Variants in ALOX5AP observed in about 807,000 individuals in gnomAD.
ALOX5AP encodes the protein arachidonate 5-lipoxygenase activating protein, also known as arachidonate 5-lipoxygenase-activating protein.
A neutral mutation model predicts 18.5 loss-of-function variants in ALOX5AP; 9 were observed. The ratio of observed to expected loss-of-function variants is 0.49; its 90% CI spans 0.29 to 0.85. The LOEUF (loss-of-function observed/expected upper bound fraction) is 0.85, where lower values mean the gene tolerates loss of function less well. ALOX5AP is among the 40% of genes least tolerant of loss of function. ALOX5AP has a pLI of 0.08. For missense variants in ALOX5AP, 172 were observed against 202.5 expected, an observed-to-expected ratio of 0.85 and a Z score of 0.91; for synonymous variants, 81 against 78.6, an observed-to-expected ratio of 1.03 and a Z score of -0.16.
At chr13:30,740,126 T>C (rs1047411171) in intron 1 of ALOX5AP, among the ~76,000 whole-genome samples, 2 of 152,222 alleles carry the variant, frequency 1.3e-5, no homozygotes, top group African/African-American at 4.8e-5. Context: ...AGAACACCTA[T>C]GCAGATAGGT....
intron 1 of ALOX5AP, among the ~76,000 whole-genome samples, chr13:30,721,493 C>A (rs182877925): frequency 1.8e-3 from 273 of 152,238 alleles, no homozygotes; most frequent in African/African-American, 6.0e-3. Flanking sequence ...CCTCACTAAG[C>A]CTTGTGCTAC....
intron 2 of ALOX5AP, among the ~76,000 whole-genome samples, chr13:30,744,716 G>T (rs1441777716): frequency 6.6e-6 from 1 of 152,206 alleles, no homozygotes; most frequent in Admixed American, 6.5e-5. Context: ...GAATAAAAAG[G>T]TTGTTTGAAA....
Position 30,760,447 on chromosome 13 carries a change from G to A in ALOX5AP, c.324-3497G>A, listed in dbSNP as rs371998838. 3.0e-4 allele frequency among the ~76,000 whole-genome samples: 46 copies of A among 152,312 alleles called. 2 individuals carry two copies. Among genetic ancestry groups the A allele is most frequent in the African/African-American group, 9.6e-4 (40 of 41,564 alleles). On this transcript the variant is annotated intron_variant, in intron 4 of 4. Coordinates refer to ENST00000380490, the MANE Select transcript of ALOX5AP (RefSeq NM_001629.4). ...TGGGCGCCCCCATCTCCCACACTACGGCGCCTCATCCTAGAAGTGGTTAGC... is the reference window on the plus strand; with the variant it reads ...TGGGCGCCCCCATCTCCCACACTACAGCGCCTCATCCTAGAAGTGGTTAGC...
chr13:30,744,029 T>C, intron 1 of ALOX5AP, 31 bp from the exon 2 acceptor site: 1 of 1,587,246 alleles, frequency 6.3e-7, no homozygotes, highest in Non-Finnish European at 8.7e-7. Context: ...ATGCCCACAA[T>C]GAACCAGATG....
chr13:30,745,391 T>C (rs1166066393), intron 2 of ALOX5AP, among the ~76,000 whole-genome samples: 3 of 152,164 alleles, frequency 2.0e-5, no homozygotes, highest in Non-Finnish European at 4.4e-5. Context: ...CCCCTTGCCC[T>C]CTGTGGGCAT....
intron 4 of ALOX5AP, among the ~76,000 whole-genome samples, chr13:30,761,206 C>T (rs999009240): frequency 6.6e-6 from 1 of 152,224 alleles, no homozygotes; most frequent in African/African-American, 2.4e-5. Context: ...TTATCTTCCA[C>T]ACCCTGTGCA....
intron 2 of ALOX5AP, among the ~76,000 whole-genome samples, chr13:30,749,632 T>C (rs1050885096): frequency 6.6e-6 from 1 of 152,236 alleles, no homozygotes; most frequent in Admixed American, 6.5e-5. Context: ...TGTAGGGGCC[T>C]CCTGCCCTTT....
rs17238610 is a variant in ALOX5AP at position 30,736,201 on chromosome 13, C to CT, written c.70+536dup. On this transcript the variant is annotated intron_variant, in intron 1 of 4. Transcript: ENST00000380490. Reference sequence around the variant, plus strand: ...TTTTTCTTTTTTTCTCCTGAAGAAACTTTTTTTTTTGGTGATACCTTCTTT... The same window carrying CT: ...TTTTTCTTTTTTTCTCCTGAAGAAACTTTTTTTTTTTGGTGATACCTTCTTT... 3.0e-4 allele frequency among the ~76,000 whole-genome samples: 44 copies of CT among 149,060 alleles called. No individual in the cohort carries two copies. In the South Asian group the frequency reaches 5.3e-3, roughly 18 times the overall value.
intron 1 of ALOX5AP, among the ~76,000 whole-genome samples, chr13:30,737,514 C>T (rs1951730779): frequency 6.6e-6 from 1 of 152,198 alleles, no homozygotes; most frequent in Admixed American, 6.5e-5. Context: ...TGAGTCCTGA[C>T]AGCCACAATA....
chr13:30,735,270 C>T (rs1462271471), upstream of ALOX5AP, among the ~76,000 whole-genome samples: 1 of 151,940 alleles, frequency 6.6e-6, no homozygotes, highest in Non-Finnish European at 1.5e-5. Flanking sequence ...TGGGCTCGTG[C>T]TGGTCATGGT....
In ALOX5AP at chr13:30,744,144, G is replaced by A. The variant is rs201830648; in HGVS notation, c.155G>A (p.Arg52Gln). ...FQRTGTLAFE[R>Q]VYTANQNCVD... ...AGGACCGGAACACTTGCCTTTGAGC[G>A]GGTCTACACTGCCAAGTGAGTCCTA... The change falls in exon 2 of 5, where the codon CGG becomes CAG. Residue 52 changes from arginine (R) to glutamine (Q), a missense_variant. Coordinates refer to ENST00000380490, the MANE Select transcript of ALOX5AP (RefSeq NM_001629.4). 6.8e-6 allele frequency: 11 copies of A among 1,613,650 alleles called. No individual in the cohort carries two copies. The highest frequency in any genetic ancestry group is 2.2e-5 in the South Asian group (2 of 91,056).
intron 1 of ALOX5AP, among the ~76,000 whole-genome samples, chr13:30,729,827 C>T (rs935220551): frequency 2.6e-5 from 4 of 152,222 alleles, no homozygotes; most frequent in East Asian, 1.9e-4. Context: ...CTGCCTGCCT[C>T]GGCCTCCCAC....
At chr13:30,730,350 G>C (rs756638788) in intron 1 of ALOX5AP, among the ~76,000 whole-genome samples, 1 of 152,328 alleles carries the variant, frequency 6.6e-6, no homozygotes, top group South Asian at 2.1e-4. Context: ...AGGTTGATTT[G>C]GTTCTCACAG....
At chr13:30,737,031 C>T (rs1030319785) in intron 1 of ALOX5AP, among the ~76,000 whole-genome samples, 1 of 152,234 alleles carries the variant, frequency 6.6e-6, no homozygotes, top group African/African-American at 2.4e-5. Flanking sequence ...TGCAGCAATG[C>T]CTGCAGTCTC....
chr13:30,715,712 C>T (rs1395345780), intron 1 of ALOX5AP, among the ~76,000 whole-genome samples: 2 of 152,156 alleles, frequency 1.3e-5, no homozygotes, highest in Non-Finnish European at 2.9e-5. Flanking sequence ...GTTCAGATGC[C>T]GAGGCATTTT....
At chr13:30,723,378 G>T (rs756019704) in intron 1 of ALOX5AP, among the ~76,000 whole-genome samples, 3 of 152,168 alleles carry the variant, frequency 2.0e-5, no homozygotes, top group Non-Finnish European at 2.9e-5. Context: ...CCACTGTATT[G>T]CTTTTTCTCC....
At chr13:30,714,488 G>A (rs1365511441) in intron 1 of ALOX5AP, among the ~76,000 whole-genome samples, 1 of 151,356 alleles carries the variant, frequency 6.6e-6, no homozygotes, top group Non-Finnish European at 1.5e-5. Context: ...CTCCATTTTG[G>A]GGGGCATCAT....
chr13:30,752,052 C>T lies in ALOX5AP; in HGVS notation c.171C>T (p.Asn57=), dbSNP rs1462891268. 2 of 1,613,958 alleles carry T rather than the reference C, an allele frequency of 1.2e-6. No individual in the cohort carries two copies. Among genetic ancestry groups the T allele is most frequent in the Non-Finnish European group, 1.7e-6 (2 of 1,179,946 alleles). Residue 57 remains asparagine (N), a splice_region_variant and synonymous_variant, in exon 3 of 5, where the codon AAC becomes AAT. Coordinates refer to ENST00000380490, the MANE Select transcript of ALOX5AP (RefSeq NM_001629.4). The part of the protein sequence containing the change: ...TLAFERVYTA[N]QNCVDAYPTF... ...TTCTCCTTGTTTGTTTATTCTGCAG[C>T]CAGAACTGTGTAGATGCGTACCCCA...
rs117849143 is a variant in ALOX5AP, at chr13:30,741,332, G to A, written c.71-2728G>A. 4.2e-4 allele frequency among the ~76,000 whole-genome samples: 63 copies of A among 148,668 alleles called. 2 individuals carry two copies. The East Asian group carries it at 0.011, about 27-fold the overall frequency. ...TCACCATGTTAGCCAGGATGGTCTC[G>A]ACACATCCTCCATATACTTTAAGTA... On this transcript the variant is annotated intron_variant, in intron 1 of 4. Coordinates refer to ENST00000380490, the MANE Select transcript of ALOX5AP (RefSeq NM_001629.4).
Sources: gnomAD v4.1 joint callset for allele counts (sites outside exome capture counted in the v4.1 genomes callset) on GRCh38, gnomAD v4.1.1 for gene constraint, MANE v1.5 for transcripts, NCBI Gene and HGNC (gene_info 2026-07-23, HGNC 2026-07-21) for gene names.